EPM2A: variants seen among roughly 807,000 people sequenced by gnomAD.
The protein encoded by EPM2A is EPM2A glucan phosphatase, laforin, also known as laforin.
EPM2A carries 21 observed loss-of-function variants against 26.5 expected under a neutral mutation model. That is an observed-to-expected ratio of 0.79 (90% CI 0.56 to 1.14). The LOEUF (loss-of-function observed/expected upper bound fraction) is 1.14, where lower values mean the gene tolerates loss of function less well. Ranked by LOEUF, EPM2A falls within the 50% of genes most tolerant of loss-of-function variation. The pLI is 0.00. For synonymous variants in EPM2A, 217 were observed against 177.6 expected (o/e 1.22, Z -1.76); for missense variants, 458 against 440.8 (o/e 1.04, Z -0.35).
intron 2 of EPM2A, among the ~76,000 whole-genome samples, chr6:145,576,946 T>C (rs921866782): frequency 6.6e-6 from 1 of 151,422 alleles, no homozygotes; most frequent in African/African-American, 2.4e-5. Context: ...TAGAGTTAAG[T>C]TGTTATCAGT....
At chr6:145,541,200 T>TGG (rs1426796592) in intron 2 of EPM2A, among the ~76,000 whole-genome samples, 2 of 151,238 alleles carry the variant, frequency 1.3e-5, no homozygotes, top group Non-Finnish European at 2.9e-5. Flanking sequence ...TGTGTGTGTG[T>TGG]GTGTGTGTGT....
chr6:145,667,735 T>C (rs1483704167), intron 2 of EPM2A, among the ~76,000 whole-genome samples: 48 of 130,116 alleles, frequency 3.7e-4, no homozygotes, highest in African/African-American at 1.6e-3. Flanking sequence ...TGCAGCATTA[T>C]TCACAATAGC....
chr6:145,646,475 C>G (rs1777473618), intron 2 of EPM2A, among the ~76,000 whole-genome samples: 1 of 152,090 alleles, frequency 6.6e-6, no homozygotes, highest in Non-Finnish European at 1.5e-5. Flanking sequence ...TGCACTTGGC[C>G]ACATACACTT....
intron 4 of EPM2A, among the ~76,000 whole-genome samples, chr6:145,460,412 T>C (rs1004841755): frequency 6.6e-6 from 1 of 152,180 alleles, no homozygotes; most frequent in Non-Finnish European, 1.5e-5. Flanking sequence ...AAGAAGAAGA[T>C]ATAATTATTT....
intron 2 of EPM2A, among the ~76,000 whole-genome samples, chr6:145,564,274 A>G (rs1382583176): frequency 6.6e-6 from 1 of 152,242 alleles, no homozygotes; most frequent in Non-Finnish European, 1.5e-5. Flanking sequence ...GTGTTCATAT[A>G]TATACACATG....
At chr6:145,646,244 C>T (rs745735641) in intron 2 of EPM2A, among the ~76,000 whole-genome samples, 1 of 152,024 alleles carries the variant, frequency 6.6e-6, no homozygotes, top group African/African-American at 2.4e-5. Context: ...GCAACCTCCA[C>T]CTCCTGAATT....
At chr6:145,395,994 A>T (rs1778400621) in intron 4 of EPM2A, among the ~76,000 whole-genome samples, 1 of 152,198 alleles carries the variant, frequency 6.6e-6, no homozygotes, top group African/African-American at 2.4e-5. Flanking sequence ...TTATACACAC[A>T]GCAGACATGC....
intron 2 of EPM2A, among the ~76,000 whole-genome samples, chr6:145,566,703 C>T (rs1409703232): frequency 1.3e-5 from 2 of 152,172 alleles, no homozygotes; most frequent in African/African-American, 4.8e-5. Context: ...GGCCACCTTG[C>T]AAAATGCCAG....
At chr6:145,406,524 T>A (rs1778572069) in intron 4 of EPM2A, among the ~76,000 whole-genome samples, 1 of 152,180 alleles carries the variant, frequency 6.6e-6, no homozygotes, top group South Asian at 2.1e-4. Context: ...TGGATGTATA[T>A]ACATACATTA....
chr6:145,480,210 C>T (rs1396731711), intron 4 of EPM2A, among the ~76,000 whole-genome samples: 2 of 151,710 alleles, frequency 1.3e-5, no homozygotes, highest in African/African-American at 2.4e-5. Context: ...ACTCACAGTT[C>T]TACAAGCTGT....
chr6:145,638,084 G>A (rs1014289162), intron 2 of EPM2A: 1 of 152,184 alleles, frequency 6.6e-6, no homozygotes, highest in African/African-American at 2.4e-5. Context: ...AAATTTTAAA[G>A]AGGACTGGTA....
chr6:145,662,147 C>A (rs1284756794), intron 2 of EPM2A, among the ~76,000 whole-genome samples: 2 of 152,136 alleles, frequency 1.3e-5, no homozygotes, highest in African/African-American at 4.8e-5. Context: ...GTCTGTGTTC[C>A]TCCCTTCTTC....
chr6:145,507,168 C>T (rs1018188815), intron 2 of EPM2A, among the ~76,000 whole-genome samples: 1 of 152,180 alleles, frequency 6.6e-6, no homozygotes, highest in Admixed American at 6.5e-5. Context: ...TTTATTTCAC[C>T]TTGGTTATCT....
At chr6:145,715,338 C>T (rs761314284) in intron 1 of EPM2A, among the ~76,000 whole-genome samples, 55 of 152,146 alleles carry the variant, frequency 3.6e-4, no homozygotes, top group Non-Finnish European at 6.9e-4. Flanking sequence ...GCCAAAGAAC[C>T]GCACAGGGAC....
chr6:145,647,306 A>G lies in EPM2A; in HGVS notation c.477-11820T>C, dbSNP rs184449521. ...TTGTAATTTTCCTAAAGAGCCATGC[A>G]CTCTCCTTTCCCTTCCCCTTATTCT... On this transcript the variant is annotated intron_variant, in intron 2 of 3. Coordinates refer to ENST00000367519, the MANE Select transcript of EPM2A (RefSeq NM_005670.4). Among the ~76,000 whole-genome samples, 4 of 152,052 alleles carry G rather than the reference A, an allele frequency of 2.6e-5. No homozygotes were observed. The East Asian group carries it at 7.8e-4, about 30-fold the overall frequency.
chr6:145,683,535 A>G (rs932725724), intron 2 of EPM2A, among the ~76,000 whole-genome samples: 2 of 152,032 alleles, frequency 1.3e-5, no homozygotes, highest in African/African-American at 4.8e-5. Flanking sequence ...AAAATAAAGA[A>G]ACGTACGCTT....
At chr6:145,631,207 C>A (rs1029706069) in intron 3 of EPM2A, 1 of 151,928 alleles carries the variant, frequency 6.6e-6, no homozygotes, top group African/African-American at 2.4e-5. Context: ...ATGTGACCCA[C>A]TAAGGAATAA....
intron 2 of EPM2A, among the ~76,000 whole-genome samples, chr6:145,594,662 AT>A (rs546065890): frequency 2.0e-5 from 3 of 151,966 alleles, no homozygotes; most frequent in South Asian, 4.1e-4. Context: ...TTACTCAATT[AT>A]TTTTAAAGAA....
chr6:145,481,657 C>A (rs1435082890), intron 4 of EPM2A, among the ~76,000 whole-genome samples: 1 of 152,124 alleles, frequency 6.6e-6, no homozygotes, highest in Non-Finnish European at 1.5e-5. Flanking sequence ...CAGAACCACT[C>A]AGCCAAGCCG....
Sources: gnomAD v4.1 joint callset for allele counts (sites outside exome capture counted in the v4.1 genomes callset) on GRCh38, gnomAD v4.1.1 for gene constraint, MANE v1.5 for transcripts, NCBI Gene and HGNC (gene_info 2026-07-23, HGNC 2026-07-21) for gene names.